DLX4: variants seen among roughly 807,000 people sequenced by gnomAD.
DLX4 encodes the protein distal-less homeobox 4.
A neutral mutation model predicts 17.1 loss-of-function variants in DLX4; 13 were observed. The observed-to-expected ratio is 0.76, with a 90% confidence interval of 0.49 to 1.21. DLX4 has a LOEUF of 1.21. Among genes scored for constraint, DLX4 ranks in the 50% most tolerant of loss-of-function variants. The probability of loss-of-function intolerance (pLI) is 0.00; values close to 1 mark genes in which losing one functional copy is unlikely to be tolerated. For missense variants in DLX4, 297 were observed against 301.4 expected, an observed-to-expected ratio of 0.99 and a Z score of 0.11; for synonymous variants, 129 against 140.3, an observed-to-expected ratio of 0.92 and a Z score of 0.57.
rs1022271659 is a variant in DLX4, at chr17:49,969,242, AG to A, written c.-220del. 29 of 408,330 alleles carry A rather than the reference AG, an allele frequency of 7.1e-5. No individual in the cohort carries two copies. The highest frequency in any genetic ancestry group is 2.4e-4 in the African/African-American group (9 of 37,976). The allele number at this position is 408,330 out of a possible 1,614,324, so 25.3% of individuals were successfully genotyped here. On this transcript the variant is annotated 5_prime_UTR_variant, in exon 1 of 3. The change abolishes the stop of an existing upstream ORF in the 5' untranslated region. Transcript: ENST00000240306. ...GAGAGGAGGGGGCCCCCATGGATTT[AG>A]GGGGGGAGGGGAAAGTCATGGGGGG...
chr17:49,973,933 A>G lies in DLX4; in HGVS notation c.713A>G (p.Gln238Arg), dbSNP rs1567908234. The G allele has an allele frequency of 4.4e-6, 7 of 1,604,436 alleles. No homozygotes were observed. The highest frequency in any genetic ancestry group is 1.4e-5 in the African/African-American group (1 of 73,416). ...TCCTCAGATGTCCTGGCTTCGCCTCAGATGATGTGAATCTGGGGAAGGGCG... is the reference window on the plus strand; with the variant it reads ...TCCTCAGATGTCCTGGCTTCGCCTCGGATGATGTGAATCTGGGGAAGGGCG... The part of the protein sequence containing the change: ...HHSSDVLASP[Q>R]MM The change falls in exon 3 of 3, where the codon CAG becomes CGG. Residue 238 changes from glutamine to arginine, a missense_variant. Gln to Arg is a conservative substitution (Grantham distance 43, BLOSUM62 1). Transcript: ENST00000240306.
chr17:49,971,269 C>T (rs1432043981), intron 1 of DLX4, among the ~76,000 whole-genome samples: 1 of 152,150 alleles, frequency 6.6e-6, no homozygotes, highest in African/African-American at 2.4e-5. Flanking sequence ...CACACACACC[C>T]AGATTTCCTT....
In DLX4 at chr17:49,970,018, C is replaced by T. The variant is rs899612665; in HGVS notation, c.283+267C>T. ...CAGGCGAGAGGGCCCCCCCAACCCC[C>T]CACCTGGAGCAGCGGGGCTGTCTGT... On this transcript the variant is annotated intron_variant, in intron 1 of 2. Transcript: ENST00000240306. Among the ~76,000 whole-genome samples the T allele has an allele frequency of 7.2e-5, 11 of 152,232 alleles. No homozygotes were observed. In the South Asian group the frequency reaches 2.3e-3, roughly 32 times the overall value.
chr17:49,968,699 C>T (rs1168931178), upstream of DLX4, among the ~76,000 whole-genome samples: 2 of 152,068 alleles, frequency 1.3e-5, no homozygotes, highest in Admixed American at 6.5e-5. Flanking sequence ...CGGGCGGCAC[C>T]CTCCCAGCCC....
rs772219891 is a variant in DLX4, at chr17:49,969,693, C to T, written c.225C>T (p.Pro75=). The part of the protein sequence containing the change: ...PGDSYLSCQQ[P]AALSQPLCGP... ...ACTCCTACCTGTCCTGCCAGCAACCCGCGGCGCTCTCTCAGCCCCTCTGCG... is the reference window on the plus strand; with the variant it reads ...ACTCCTACCTGTCCTGCCAGCAACCTGCGGCGCTCTCTCAGCCCCTCTGCG... The change falls in exon 1 of 3, where the codon CCC becomes CCT. Residue 75 remains proline (P), a synonymous_variant. Coordinates refer to ENST00000240306, the MANE Select transcript of DLX4 (RefSeq NM_138281.3). The T allele has an allele frequency of 2.5e-6, 4 of 1,604,348 alleles. No homozygotes were observed. The highest frequency in any genetic ancestry group is 1.1e-5 in the South Asian group (1 of 91,018).
chr17:49,971,712 G>T (rs1028253657), intron 1 of DLX4, among the ~76,000 whole-genome samples: 5 of 152,140 alleles, frequency 3.3e-5, no homozygotes, highest in African/African-American at 1.2e-4. Context: ...GCCCAGAGCT[G>T]CCAGCAGTGG....
rs762935432 is a variant in DLX4, at chr17:49,973,089, G to A, written c.300G>A (p.Arg100=). ...QELEADSEKP[R]LSPEPSERRP... is the part of the protein sequence containing the mutation. ...GCCCACCAGACTCGGAGAAGCCGCG[G>A]CTGTCCCCGGAACCCTCCGAGCGGC... is the stretch of plus-strand genomic sequence containing the variant. The change falls in exon 2 of 3, where the codon CGG becomes CGA. Residue 100 remains arginine, a synonymous_variant. Coordinates refer to ENST00000240306, the MANE Select transcript of DLX4 (RefSeq NM_138281.3). 6.2e-7 allele frequency: 1 copy of A among 1,614,036 alleles called. No homozygotes were observed. Among genetic ancestry groups the A allele is most frequent in the Admixed American group, 1.7e-5 (1 of 60,008 alleles).
rs1003084870 is a variant in DLX4, at chr17:49,970,154, C to T, written c.283+403C>T. 2.6e-5 allele frequency among the ~76,000 whole-genome samples: 4 copies of T among 152,156 alleles called. No homozygotes were observed. The East Asian group carries it at 7.7e-4, about 29-fold the overall frequency. ...GTACTCCCTTCCTGCCCCATTGTCG[C>T]CCCTCTCTGCGTTAGTCTTGTCTCA... On this transcript the variant is annotated intron_variant, in intron 1 of 2. Coordinates refer to ENST00000240306, the MANE Select transcript of DLX4 (RefSeq NM_138281.3).
Position 49,974,195 on chromosome 17 carries a change from G to C in DLX4, c.*252G>C. The C allele has an allele frequency of 2.9e-6, 1 of 345,384 alleles. No individual in the cohort carries two copies. Among genetic ancestry groups the C allele is most frequent in the Non-Finnish European group, 5.1e-6 (1 of 195,814 alleles). 21.4% of individuals were successfully genotyped at this position (345,384 alleles called of 1,614,324 possible). On this transcript the variant is annotated 3_prime_UTR_variant, in exon 3 of 3. Coordinates refer to ENST00000240306, the MANE Select transcript of DLX4 (RefSeq NM_138281.3). ...GGACTGGACACCTTCACTCCAGCTG[G>C]ACAAAGACTCTGGAGAGAGAGCCAT... is the stretch of plus-strand genomic sequence containing the variant.
Position 49,972,120 on chromosome 17 carries a change from G to A in DLX4, c.284-953G>A, listed in dbSNP as rs1385692708. ...CGTCCCCGTAGAGCCGCGCAGGTTA[G>A]GGTGGCTGGCTTGGAAGAACAGAAA... On this transcript the variant is annotated intron_variant, in intron 1 of 2. Coordinates refer to ENST00000240306, the MANE Select transcript of DLX4 (RefSeq NM_138281.3). This position sits in a 1 kb window ranked among gnomAD's most constrained non-coding sequence, Gnocchi z 5.4. 1 of 152,462 alleles carries A rather than the reference G, an allele frequency of 6.6e-6. No homozygotes were observed. Among genetic ancestry groups the A allele is most frequent in the African/African-American group, 2.4e-5 (1 of 41,454 alleles). The allele number at this position is 152,462 out of a possible 1,614,324, so 9.4% of individuals were successfully genotyped here.
Position 49,969,699 on chromosome 17 carries a change from G to C in DLX4, c.231G>C (p.Ala77=). The C allele has an allele frequency of 1.2e-6, 2 of 1,602,942 alleles. No individual in the cohort carries two copies. Among genetic ancestry groups the C allele is most frequent in the African/African-American group, 1.3e-5 (1 of 74,966 alleles). ...ACCTGTCCTGCCAGCAACCCGCGGC[G>C]CTCTCTCAGCCCCTCTGCGGACCTG... The part of the protein sequence containing the change: ...DSYLSCQQPA[A]LSQPLCGPAE... The change falls in exon 1 of 3, where the codon GCG becomes GCC. Residue 77 remains alanine (A), a synonymous_variant. Coordinates refer to ENST00000240306, the MANE Select transcript of DLX4 (RefSeq NM_138281.3).
chr17:49,973,745 C>A lies in DLX4; in HGVS notation c.525C>A (p.Leu175=), dbSNP rs146002721. ...ACAAACGCTCCAAGTATAAGAAGCT[C>A]CTGAAGCAGAATTCTGGGGGGCAGG... ...FQNKRSKYKK[L]LKQNSGGQEG... The change falls in exon 3 of 3, where the codon CTC becomes CTA. Residue 175 remains leucine (L), a synonymous_variant. Coordinates refer to ENST00000240306, the MANE Select transcript of DLX4 (RefSeq NM_138281.3). 3.9e-6 allele frequency: 6 copies of A among 1,533,168 alleles called. No homozygotes were observed. In the African/African-American group the frequency reaches 5.6e-5, roughly 14 times the overall value. 95.0% of individuals were successfully genotyped at this position (1,533,168 alleles called of 1,614,324 possible).
Position 49,973,111 on chromosome 17 carries a change from C to G in DLX4, c.322C>G (p.Arg108Gly), listed in dbSNP as rs575249063. The change falls in exon 2 of 3, where the codon CGG (arginine) becomes GGG (glycine). Residue 108 changes from arginine (R) to glycine (G), a missense_variant. Physicochemically the swap from Arg to Gly is moderately radical, Grantham distance 125 (BLOSUM62 -2). Coordinates refer to ENST00000240306, the MANE Select transcript of DLX4 (RefSeq NM_138281.3). ...KPRLSPEPSE[R>G]RPQAPAKKLR... ...GCGGCTGTCCCCGGAACCCTCCGAG[C>G]GGCGCCCTCAGGCCCCCGCCAAAAA... is the stretch of plus-strand genomic sequence containing the variant. 6 of 1,614,060 alleles carry G rather than the reference C, an allele frequency of 3.7e-6. No individual in the cohort carries two copies. In the African/African-American group the frequency reaches 5.3e-5, roughly 14 times the overall value.
chr17:49,968,686 C>G (rs912010786), upstream of DLX4, among the ~76,000 whole-genome samples: 3 of 152,044 alleles, frequency 2.0e-5, no homozygotes, highest in Admixed American at 6.6e-5. Flanking sequence ...GCAGGCTGGG[C>G]GCCGGGCGGC....
Position 49,973,099 on chromosome 17 carries a change from G to A in DLX4, c.310G>A (p.Glu104Lys). ...CTCGGAGAAGCCGCGGCTGTCCCCG[G>A]AACCCTCCGAGCGGCGCCCTCAGGC... Reference protein sequence around the residue: ...ADSEKPRLSPEPSERRPQAPA... With the variant: ...ADSEKPRLSPKPSERRPQAPA... The change falls in exon 2 of 3, where the codon GAA becomes AAA. Residue 104 changes from glutamate to lysine, a missense_variant. By Grantham distance (56) the Glu-to-Lys change is moderately conservative (BLOSUM62 1). Coordinates refer to ENST00000240306, the MANE Select transcript of DLX4 (RefSeq NM_138281.3). 1 of 1,614,076 alleles carries A rather than the reference G, an allele frequency of 6.2e-7. No homozygotes were observed. The highest frequency in any genetic ancestry group is 8.5e-7 in the Non-Finnish European group (1 of 1,179,966).
Position 49,969,569 on chromosome 17 carries a change from G to T in DLX4, c.101G>T (p.Gly34Val), listed in dbSNP as rs981523284. 6 of 1,613,428 alleles carry T rather than the reference G, an allele frequency of 3.7e-6. No individual in the cohort carries two copies. The highest frequency in any genetic ancestry group is 1.3e-5 in the African/African-American group (1 of 74,908). Residue 34 changes from glycine to valine, a missense_variant, in exon 1 of 3, where the codon GGC becomes GTC. Transcript: ENST00000240306. ...VPSVAAAYPLGLSPTTAASPN... is the reference protein window; with the variant it reads ...VPSVAAAYPLVLSPTTAASPN... ...TCGGTAGCGGCTGCCTACCCGCTTG[G>T]CTTGTCCCCTACAACCGCAGCCTCC...
At position 49,969,274 on chromosome 17, in the gene DLX4, C is replaced by G. The variant is rs1161437716; in HGVS notation, c.-195C>G. On this transcript the variant is annotated 5_prime_UTR_variant, in exon 1 of 3. Coordinates refer to ENST00000240306, the MANE Select transcript of DLX4 (RefSeq NM_138281.3). ...GAGGGGAAAGTCATGGGGGGCACCC[C>G]CCCGGAACCCCTTTCCCAGGCGCGC... 1.0e-5 allele frequency: 6 copies of G among 573,996 alleles called. No homozygotes were observed. The highest frequency in any genetic ancestry group is 3.6e-5 in the South Asian group (1 of 27,636). The allele number at this position is 573,996 out of a possible 1,614,324, so 35.6% of individuals were successfully genotyped here. A position where few individuals can be genotyped will look rare whatever the true frequency, so the allele number is the denominator to read the frequency against.
At position 49,973,077 on chromosome 17, in the gene DLX4, G is replaced by T. The variant is rs1456127832; in HGVS notation, c.288G>T (p.Ser96=). ...AEHPQELEAD[S]EKPRLSPEPS... is the part of the protein sequence containing the mutation. ...CCGTGTTGTGCTGCCCACCAGACTC[G>T]GAGAAGCCGCGGCTGTCCCCGGAAC... The change falls in exon 2 of 3, where the codon TCG becomes TCT. Residue 96 remains serine, a synonymous_variant. Coordinates refer to ENST00000240306, the MANE Select transcript of DLX4 (RefSeq NM_138281.3). 1.2e-6 allele frequency: 2 copies of T among 1,613,836 alleles called. No homozygotes were observed. Among genetic ancestry groups the T allele is most frequent in the Non-Finnish European group, 1.7e-6 (2 of 1,179,932 alleles).
At position 49,973,104 on chromosome 17, in the gene DLX4, C is replaced by T. The variant is rs767797609; in HGVS notation, c.315C>T (p.Pro105=). 2 of 1,614,130 alleles carry T rather than the reference C, an allele frequency of 1.2e-6. No homozygotes were observed. The highest frequency in any genetic ancestry group is 2.2e-5 in the East Asian group (1 of 44,886). The change falls in exon 2 of 3, where the codon CCC becomes CCT. Residue 105 remains proline, a synonymous_variant. Transcript: ENST00000240306. ...DSEKPRLSPE[P]SERRPQAPAK... Reference sequence around the variant, plus strand: ...AGAAGCCGCGGCTGTCCCCGGAACCCTCCGAGCGGCGCCCTCAGGCCCCCG... The same window carrying T: ...AGAAGCCGCGGCTGTCCCCGGAACCTTCCGAGCGGCGCCCTCAGGCCCCCG...
Sources: gnomAD v4.1 joint callset for allele counts (sites outside exome capture counted in the v4.1 genomes callset) on GRCh38, gnomAD v4.1.1 for gene constraint, Gnocchi (gnomAD v3.1) non-coding constraint, MANE v1.5 for transcripts, NCBI Gene and HGNC (gene_info 2026-07-23, HGNC 2026-07-21) for gene names.